Variants in SRFBP1 observed in about 807,000 individuals in gnomAD.
SRFBP1 encodes serum response factor-binding protein 1.
In SRFBP1, 47 loss-of-function variants were observed where a neutral mutation model predicts 45.5. The observed-to-expected ratio is 1.03, with a 90% CI of 0.82 to 1.32. The LOEUF (loss-of-function observed/expected upper bound fraction) is 1.32. SRFBP1 is among the 40% of genes most tolerant of loss of function. The probability of loss-of-function intolerance (pLI) is 0.00; values close to 1 mark genes in which losing one functional copy is unlikely to be tolerated. For synonymous variants in SRFBP1, 203 were observed against 166.3 expected, an observed-to-expected ratio of 1.22 and a Z score of -1.70; for missense variants, 621 against 484.6, an observed-to-expected ratio of 1.28 and a Z score of -2.64.
intron 1 of SRFBP1, among the ~76,000 whole-genome samples, chr5:121,962,458 G>A (rs143882859): frequency 6.6e-6 from 1 of 152,268 alleles, no homozygotes; most frequent in East Asian, 1.9e-4. Context: ...GCTCTTTATT[G>A]CCTGTCGAAA....
At chr5:122,024,279 A>G (rs1753422616) in intron 7 of SRFBP1, among the ~76,000 whole-genome samples, 1 of 152,208 alleles carries the variant, frequency 6.6e-6, no homozygotes, top group Non-Finnish European at 1.5e-5. Flanking sequence ...TCTTTGGCAC[A>G]TGGGTTGCTT....
At position 122,054,064 on chromosome 5, in the gene SRFBP1, C is replaced by G. The variant is rs1754035198; in HGVS notation, n.312-21251C>G. Among the ~76,000 whole-genome samples, 4 of 152,324 alleles carry G rather than the reference C, an allele frequency of 2.6e-5. No homozygotes were observed. In the South Asian group the frequency reaches 8.3e-4, roughly 32 times the overall value. On this transcript the variant is annotated intron_variant and non_coding_transcript_variant, in intron 2 of 2. Transcript: ENST00000504881. ...ATCCAGCAGTGTGAGATGGAGCAAT[C>G]TTACTGCTTCCAGGCACCACAACTG...
chr5:122,031,782 C>T (rs1200001456), downstream of SRFBP1, among the ~76,000 whole-genome samples: 1 of 152,094 alleles, frequency 6.6e-6, no homozygotes, highest in Non-Finnish European at 1.5e-5. Flanking sequence ...TTTATGCATA[C>T]AGTGGACTGG....
intron 2 of SRFBP1, among the ~76,000 whole-genome samples, chr5:122,072,852 G>A (rs1313300612): frequency 6.6e-6 from 1 of 152,182 alleles, no homozygotes; most frequent in Non-Finnish European, 1.5e-5. Flanking sequence ...TTCAGAGTGA[G>A]CTGTCCAGAG....
intron 1 of SRFBP1, among the ~76,000 whole-genome samples, chr5:121,972,737 A>G (rs190690346): frequency 0.01 from 1,580 of 151,976 alleles, 27 homozygotes; most frequent in African/African-American, 0.036. Context: ...TGAACAAGCA[A>G]GCTGATAGAG....
At chr5:122,058,394 T>G (rs1465508693) in intron 2 of SRFBP1, among the ~76,000 whole-genome samples, 3 of 152,166 alleles carry the variant, frequency 2.0e-5, no homozygotes, top group Non-Finnish European at 4.4e-5. Context: ...TCTAAGATAT[T>G]TGATTGATTT....
chr5:122,050,296 T>C (rs1753947444), intron 2 of SRFBP1, among the ~76,000 whole-genome samples: 1 of 152,184 alleles, frequency 6.6e-6, no homozygotes, highest in Non-Finnish European at 1.5e-5. Flanking sequence ...GCTCAGTTTT[T>C]TGGAATAGTT....
downstream of SRFBP1, chr5:122,077,559 C>T (rs1731762787): frequency 8.1e-6 from 13 of 1,613,198 alleles, no homozygotes; most frequent in Non-Finnish European, 1.1e-5. The surrounding 1 kb of genome is among the most constrained non-coding windows in gnomAD (Gnocchi z 4.9). Flanking sequence ...GTCTGGTTCT[C>T]CGCGCGCGAG....
intron 7 of SRFBP1, among the ~76,000 whole-genome samples, chr5:122,023,820 T>C (rs1037522163): frequency 1.5e-4 from 23 of 152,318 alleles, no homozygotes; most frequent in African/African-American, 5.5e-4. Flanking sequence ...ATTTCTGACC[T>C]CTGTTTCCTT....
intron 2 of SRFBP1, among the ~76,000 whole-genome samples, chr5:122,048,865 T>C (rs1753914226): frequency 6.6e-6 from 1 of 152,206 alleles, no homozygotes; most frequent in East Asian, 1.9e-4. Flanking sequence ...GATGGTAGTT[T>C]GTCTTTCTGT....
chr5:122,011,806 A>G (rs1031940432), intron 4 of SRFBP1, among the ~76,000 whole-genome samples: 2 of 151,824 alleles, frequency 1.3e-5, no homozygotes, highest in Non-Finnish European at 2.9e-5. Flanking sequence ...AGTCTGTTCT[A>G]CTCATTCTTG....
intron 2 of SRFBP1, among the ~76,000 whole-genome samples, chr5:122,047,266 T>G (rs371074691): frequency 0.048 from 7,318 of 152,060 alleles, 190 homozygotes; most frequent in East Asian, 0.066. Flanking sequence ...TCTACATATG[T>G]CTAGCCAGTT....
downstream of SRFBP1, chr5:122,077,882 G>T (rs757946184): frequency 1.4e-5 from 21 of 1,535,982 alleles, no homozygotes; most frequent in African/African-American, 2.0e-4. This position sits in a 1 kb window ranked among gnomAD's most constrained non-coding sequence, Gnocchi z 4.9. Context: ...AGCCGCCGGC[G>T]GCTCGCGCGG....
Position 122,075,441 on chromosome 5 carries a change from G to A in SRFBP1, n.438G>A. On this transcript the variant is annotated non_coding_transcript_exon_variant, in exon 3 of 3. Transcript: ENST00000504881. ...TGCCATTCCCAGGAATATCTTGGTC[G>A]GCTGGGTAAGAAATCTGATGTCCCT... 4 of 1,613,686 alleles carry A rather than the reference G, an allele frequency of 2.5e-6. No homozygotes were observed. Among genetic ancestry groups the A allele is most frequent in the African/African-American group, 2.7e-5 (2 of 75,018 alleles).
intron 3 of SRFBP1, among the ~76,000 whole-genome samples, chr5:121,982,157 G>C (rs1752422297): frequency 6.6e-6 from 1 of 151,950 alleles, no homozygotes; most frequent in Admixed American, 6.6e-5. Context: ...AATGCCCTGA[G>C]ACCATATAAC....
chr5:122,064,917 A>C (rs1209202204), intron 2 of SRFBP1: 1 of 152,144 alleles, frequency 6.6e-6, no homozygotes, highest in Non-Finnish European at 1.5e-5. Context: ...TGTAGATGCC[A>C]GTCTGGCTCA....
intron 2 of SRFBP1, among the ~76,000 whole-genome samples, chr5:122,056,221 A>G (rs1013460471): frequency 2.0e-5 from 3 of 152,154 alleles, no homozygotes; most frequent in Non-Finnish European, 4.4e-5. Context: ...TGTCATAAGA[A>G]CTTGTCTGGC....
chr5:122,069,900 A>G, intron 2 of SRFBP1: 1 of 706,792 alleles, frequency 1.4e-6, no homozygotes, highest in East Asian at 2.7e-5. Flanking sequence ...TTATTTAAAA[A>G]AATAAAATCA....
At chr5:122,047,443 G>T (rs573934904) in intron 2 of SRFBP1, among the ~76,000 whole-genome samples, 1 of 152,018 alleles carries the variant, frequency 6.6e-6, no homozygotes, top group African/African-American at 2.4e-5. Context: ...TGTTTTGGTT[G>T]CTGTAGCCTT....
Sources: gnomAD v4.1 joint callset for allele counts (sites outside exome capture counted in the v4.1 genomes callset) on GRCh38, gnomAD v4.1.1 for gene constraint, Gnocchi (gnomAD v3.1) non-coding constraint, MANE v1.5 for transcripts, NCBI Gene and HGNC (gene_info 2026-07-23, HGNC 2026-07-21) for gene names.